WDR41: variants seen among roughly 807,000 people sequenced by gnomAD.
WDR41 encodes the protein WD repeat domain 41, also known as WD repeat-containing protein 41.
In WDR41, 63 loss-of-function variants were observed where a neutral mutation model predicts 69.3. The ratio of observed to expected loss-of-function variants is 0.91; its 90% confidence interval spans 0.74 to 1.12. The LOEUF (loss-of-function observed/expected upper bound fraction) is 1.12, where lower values mean the gene tolerates loss of function less well. WDR41 is among the 50% of genes most tolerant of loss of function. The pLI, the probability that WDR41 is intolerant of heterozygous loss-of-function variation, is 0.00. For synonymous variants in WDR41, 185 were observed against 192.1 expected, an observed-to-expected ratio of 0.96 and a Z score of 0.31; for missense variants, 543 against 534.5, an observed-to-expected ratio of 1.02 and a Z score of -0.16.
At chr5:77,558,109 AAAAAAAAC>A (rs1483984333) in intron 1 of WDR41, among the ~76,000 whole-genome samples, 136 of 149,938 alleles carry the variant, frequency 9.1e-4, no homozygotes, top group Non-Finnish European at 1.5e-3. Context: ...AAAAAAAAAA[AAAAAAAAC>A]AAAACAGGAG....
intron 1 of WDR41, among the ~76,000 whole-genome samples, chr5:77,522,500 C>T (rs867248185): frequency 2.6e-5 from 4 of 152,098 alleles, no homozygotes; most frequent in South Asian, 2.1e-4. Flanking sequence ...ATTAGCCAGT[C>T]GTGGTGGCGC....
rs2151287575 is a variant in WDR41 at position 77,438,237 on chromosome 5, T to C, written c.1004+3A>G. 6.2e-7 allele frequency: 1 copy of C among 1,613,952 alleles called. No homozygotes were observed. The highest frequency in any genetic ancestry group is 8.5e-7 in the Non-Finnish European group (1 of 1,179,816). ...CTATTGCAGAACAGATGGGAACTTG[T>C]ACCTGTTTGGAAGTCTGGCAACGTG... On this transcript the variant is annotated splice_donor_region_variant and intron_variant, in intron 10 of 12. Transcript: ENST00000296679.
In WDR41 at chr5:77,481,650, T is replaced by G. The variant is rs555846262; in HGVS notation, c.167+7807A>C. ...AAATACAAAAATTAGCTCGGTGTGG[T>G]GGCACATGCCTGTAGTCCCAGCTAC... On this transcript the variant is annotated intron_variant, in intron 2 of 12. Transcript: ENST00000296679. Among the ~76,000 whole-genome samples, 48 of 152,188 alleles carry G rather than the reference T, an allele frequency of 3.2e-4. 1 individual carries two copies. The East Asian group carries it at 7.8e-3, about 25-fold the overall frequency.
At chr5:77,488,003 T>C (rs1323194735) in intron 2 of WDR41, among the ~76,000 whole-genome samples, 1 of 152,146 alleles carries the variant, frequency 6.6e-6, no homozygotes, top group Non-Finnish European at 1.5e-5. Context: ...CCTATATACA[T>C]CCTCTCATTT....
intron 1 of WDR41, among the ~76,000 whole-genome samples, chr5:77,530,763 T>G (rs1802515661): frequency 6.6e-6 from 1 of 151,786 alleles, no homozygotes. Context: ...AAAAATTAAC[T>G]GTAAACAAAT....
At chr5:77,574,684 C>T (rs886196507) in intron 1 of WDR41, among the ~76,000 whole-genome samples, 5 of 152,190 alleles carry the variant, frequency 3.3e-5, no homozygotes, top group African/African-American at 9.6e-5. Flanking sequence ...CCATTTCTTA[C>T]ACCCCATTAC....
chr5:77,559,682 T>A (rs1254479513), intron 1 of WDR41, among the ~76,000 whole-genome samples: 1 of 151,694 alleles, frequency 6.6e-6, no homozygotes, highest in African/African-American at 2.4e-5. Flanking sequence ...ACTTTATATA[T>A]AATGTTATGT....
chr5:77,469,553 C>G (rs1388652959), intron 2 of WDR41, among the ~76,000 whole-genome samples: 1 of 152,130 alleles, frequency 6.6e-6, no homozygotes, highest in Non-Finnish European at 1.5e-5. Context: ...TTTGTATACT[C>G]CATTAGGAAA....
chr5:77,542,603 A>G (rs1580000804), intron 1 of WDR41, among the ~76,000 whole-genome samples: 1 of 152,230 alleles, frequency 6.6e-6, no homozygotes, highest in East Asian at 1.9e-4. Context: ...ACATAATAAC[A>G]TATAAGACAG....
chr5:77,521,843 T>C lies in WDR41; in HGVS notation c.43-32271A>G, dbSNP rs72770907. Among the ~76,000 whole-genome samples, 1,464 of 152,324 alleles carry C rather than the reference T, an allele frequency of 9.6e-3. 8 individuals carry two copies. The highest frequency in any genetic ancestry group is 0.024 in the South Asian group (118 of 4,830). ...AATAGCATATGTACACCACTATCTT[T>C]ATAAACTCGAAAAAATTCTGAGTTC... is the stretch of plus-strand genomic sequence containing the variant. On this transcript the variant is annotated intron_variant, in intron 1 of 5. Coordinates refer to the WDR41 transcript ENST00000509971.
At position 77,449,902 on chromosome 5, in the gene WDR41, C is replaced by G. The variant is rs1205812051; in HGVS notation, c.587-32G>C. 2.8e-6 allele frequency: 4 copies of G among 1,436,442 alleles called. No individual in the cohort carries two copies. The Admixed American group carries it at 6.8e-5, about 24-fold the overall frequency. 89.0% of individuals were successfully genotyped at this position (1,436,442 alleles called of 1,614,324 possible). On this transcript the variant is annotated intron_variant, in intron 7 of 12. Coordinates refer to ENST00000296679, the MANE Select transcript of WDR41 (RefSeq NM_018268.4). ...GAAAAAGACAGATAAAATTTTATTA[C>G]AATGCTCTAAGAGGATAAAATACTA...
At chr5:77,497,163 G>A (rs549747319), upstream of WDR41, among the ~76,000 whole-genome samples, 26 of 152,186 alleles carry the variant, frequency 1.7e-4, no homozygotes, top group South Asian at 5.4e-3. Context: ...AAAATTGGAG[G>A]AGAAAATATT....
At chr5:77,475,978 G>C (rs1800904820) in intron 2 of WDR41, among the ~76,000 whole-genome samples, 1 of 152,172 alleles carries the variant, frequency 6.6e-6, no homozygotes, top group South Asian at 2.1e-4. Flanking sequence ...AGTGCTTAAA[G>C]GAGCTGATGG....
chr5:77,516,574 C>T (rs1416082564), intron 1 of WDR41, among the ~76,000 whole-genome samples: 1 of 124,410 alleles, frequency 8.0e-6, no homozygotes, highest in Non-Finnish European at 1.6e-5. Context: ...GTTTTAGCAC[C>T]CCATGGTGCA....
At chr5:77,577,315 C>G (rs1044223136) in intron 1 of WDR41, among the ~76,000 whole-genome samples, 1 of 151,220 alleles carries the variant, frequency 6.6e-6, no homozygotes, top group African/African-American at 2.4e-5. Flanking sequence ...GCCCCCTTCC[C>G]CCCACCAAAA....
intron 1 of WDR41, among the ~76,000 whole-genome samples, chr5:77,612,515 G>T (rs952434173): frequency 1.3e-5 from 2 of 152,038 alleles, no homozygotes; most frequent in African/African-American, 4.8e-5. Flanking sequence ...ATGTAATCCA[G>T]CATATAAACA....
In WDR41 at chr5:77,489,445, A is replaced by T; in HGVS notation, c.167+12T>A. The T allele has an allele frequency of 6.5e-7, 1 of 1,537,764 alleles. No individual in the cohort carries two copies. The highest frequency in any genetic ancestry group is 8.9e-7 in the Non-Finnish European group (1 of 1,128,908). The stretch of plus-strand genomic sequence containing the variant: ...CCAAACAATAGTCAATTAGACCACT[A>T]TAGCTTCTTACCTGTAGTCATCTAA... On this transcript the variant is annotated intron_variant, in intron 2 of 12. Transcript: ENST00000296679.
At chr5:77,521,060 G>A (rs1187171439) in intron 1 of WDR41, among the ~76,000 whole-genome samples, 2 of 152,018 alleles carry the variant, frequency 1.3e-5, no homozygotes, top group East Asian at 1.9e-4. Context: ...AAATAAGTTG[G>A]TATTGCCCCA....
At chr5:77,584,621 G>A (rs1038124110) in intron 1 of WDR41, among the ~76,000 whole-genome samples, 10 of 152,136 alleles carry the variant, frequency 6.6e-5, no homozygotes, top group Non-Finnish European at 8.8e-5. Flanking sequence ...ATAAAGTGGG[G>A]AAAGGACACC....
Sources: gnomAD v4.1 joint callset for allele counts (sites outside exome capture counted in the v4.1 genomes callset) on GRCh38, gnomAD v4.1.1 for gene constraint, MANE v1.5 for transcripts, NCBI Gene and HGNC (gene_info 2026-07-23, HGNC 2026-07-21) for gene names.